The following SEMA3A variants were observed in gnomAD, a reference collection of about 807,000 sequenced individuals.
The protein encoded by SEMA3A is semaphorin-3A.
A neutral mutation model predicts 97.9 loss-of-function variants in SEMA3A; 29 were observed. That is an observed-to-expected ratio of 0.30 (90% CI 0.22 to 0.40). The LOEUF (loss-of-function observed/expected upper bound fraction) is 0.40. Ranked by LOEUF, SEMA3A falls within the 10% of genes least tolerant of loss-of-function variation. The probability of loss-of-function intolerance (pLI) is 1.00; values close to 1 mark genes in which losing one functional copy is unlikely to be tolerated. For synonymous variants in SEMA3A, 321 were observed against 323.7 expected (o/e 0.99, Z 0.09); for missense variants, 763 against 951.3 (o/e 0.80, Z 2.60).
chr7:83,962,904 T>C (rs1195152113), intron 16 of SEMA3A, among the ~76,000 whole-genome samples: 1 of 152,076 alleles, frequency 6.6e-6, no homozygotes, highest in Non-Finnish European at 1.5e-5. Flanking sequence ...TGCACAAATA[T>C]AAATAACACA....
intron 2 of SEMA3A, among the ~76,000 whole-genome samples, chr7:84,332,128 G>T (rs958463355): frequency 1.3e-5 from 2 of 152,004 alleles, no homozygotes; most frequent in Non-Finnish European, 2.9e-5. Flanking sequence ...TTCAGAGAGA[G>T]TTCCAACAAA....
upstream of SEMA3A, chr7:84,194,796 GAAA>G (rs36048075): frequency 0.092 from 14,505 of 157,694 alleles, 354 homozygotes; most frequent in African/African-American, 0.14. Context: ...CCTCCAAAAA[GAAA>G]AAAAAAAAAA....
intron 1 of SEMA3A, among the ~76,000 whole-genome samples, chr7:84,192,350 A>T (rs1349368538): frequency 2.6e-5 from 4 of 151,922 alleles, no homozygotes; most frequent in African/African-American, 9.7e-5. Flanking sequence ...ACAGAAAAAA[A>T]TTTCCTCAGG....
intron 1 of SEMA3A, among the ~76,000 whole-genome samples, chr7:84,478,688 A>C (rs1295094989): frequency 1.3e-5 from 2 of 151,954 alleles, no homozygotes; most frequent in Non-Finnish European, 2.9e-5. Flanking sequence ...TTAAAAAAAA[A>C]CAAATCTAAA....
intron 1 of SEMA3A, among the ~76,000 whole-genome samples, chr7:84,488,148 A>G (rs528390067): frequency 1.3e-5 from 2 of 152,182 alleles, no homozygotes; most frequent in South Asian, 4.1e-4. Flanking sequence ...TTTTTTTGTC[A>G]TAAATATTTT....
chr7:84,109,739 A>G (rs1382763117), intron 4 of SEMA3A, among the ~76,000 whole-genome samples: 2 of 152,174 alleles, frequency 1.3e-5, no homozygotes, highest in Admixed American at 6.6e-5. Context: ...TGATTTTCTC[A>G]CCACGTGAAC....
At position 84,068,407 on chromosome 7, in the gene SEMA3A, A is replaced by T. The variant is rs1454996322; in HGVS notation, c.454-7849T>A. Among the ~76,000 whole-genome samples, 8 of 149,856 alleles carry T rather than the reference A, an allele frequency of 5.3e-5. No homozygotes were observed. In the South Asian group the frequency reaches 1.7e-3, roughly 32 times the overall value. On this transcript the variant is annotated intron_variant, in intron 4 of 16. Coordinates refer to ENST00000265362, the MANE Select transcript of SEMA3A (RefSeq NM_006080.3). ...CCTGCACATTGTGCACATGTACCCT[A>T]AAACTTAAAGTATAATTAAAAAAAA...
chr7:84,314,621 T>C (rs2115882023), intron 2 of SEMA3A, among the ~76,000 whole-genome samples: 1 of 152,312 alleles, frequency 6.6e-6, no homozygotes, highest in East Asian at 1.9e-4. Flanking sequence ...GCTATATAGA[T>C]AGATGTTGAG....
At chr7:84,000,905 T>C (rs749981275) in intron 12 of SEMA3A, among the ~76,000 whole-genome samples, 15 of 152,160 alleles carry the variant, frequency 9.9e-5, no homozygotes, top group Non-Finnish European at 1.9e-4. Context: ...TTGGGAAAAC[T>C]GCTTACCATT....
intron 1 of SEMA3A, among the ~76,000 whole-genome samples, chr7:84,477,352 T>C (rs750919221): frequency 7.3e-6 from 1 of 136,918 alleles, no homozygotes; most frequent in Non-Finnish European, 1.5e-5. Context: ...GGCAGGAGAA[T>C]CACCTGAACC....
At chr7:84,190,679 C>T (rs1306296578) in intron 1 of SEMA3A, among the ~76,000 whole-genome samples, 1 of 148,354 alleles carries the variant, frequency 6.7e-6, no homozygotes, top group Admixed American at 6.8e-5. Flanking sequence ...TCATGGGACA[C>T]AAAAGACAAC....
At chr7:84,030,987 GTTTTTTTTTTTTTT>G (rs10615974) in intron 6 of SEMA3A, among the ~76,000 whole-genome samples, 1 of 95,022 alleles carries the variant, frequency 1.1e-5, no homozygotes, top group East Asian at 3.5e-4. Context: ...TTTTGGTCAA[GTTTTTTTTTTTTTT>G]TTTTTTTTTT....
intron 4 of SEMA3A, among the ~76,000 whole-genome samples, chr7:84,087,328 T>A (rs975213198): frequency 5.9e-5 from 9 of 152,180 alleles, no homozygotes; most frequent in Admixed American, 5.9e-4. Flanking sequence ...TCTGCCTGTT[T>A]AGAATGTTAC....
rs189638460 is a variant in SEMA3A, at chr7:84,206,467, C to T, written c.-82-11799G>A. On this transcript the variant is annotated intron_variant, in intron 3 of 3. Coordinates refer to the SEMA3A transcript ENST00000424555. ...CCTCCCAAGTAGCTGGGACTATAGG[C>T]GCTGCCACCACGCCTGGCTAATTTT... Among the ~76,000 whole-genome samples, 14 of 151,930 alleles carry T rather than the reference C, an allele frequency of 9.2e-5. No individual in the cohort carries two copies. The East Asian group carries it at 2.0e-3, about 21-fold the overall frequency.
intron 4 of SEMA3A, among the ~76,000 whole-genome samples, chr7:84,109,518 G>A (rs898388414): frequency 3.9e-5 from 6 of 152,130 alleles, no homozygotes; most frequent in African/African-American, 1.4e-4. Flanking sequence ...AAACTGTTTT[G>A]ATTTCTAATT....
intron 1 of SEMA3A, among the ~76,000 whole-genome samples, chr7:84,490,051 A>G (rs941230732): frequency 3.9e-5 from 6 of 152,002 alleles, no homozygotes; most frequent in African/African-American, 1.4e-4. Context: ...CAAAATGCAT[A>G]ATACATGAAA....
chr7:84,053,014 TG>T (rs1792755203), intron 5 of SEMA3A, among the ~76,000 whole-genome samples: 1 of 149,916 alleles, frequency 6.7e-6, no homozygotes, highest in African/African-American at 2.4e-5. Flanking sequence ...TCCATGTAGT[TG>T]AGCGGTTTTG....
At chr7:84,048,765 T>C (rs1266060142) in intron 5 of SEMA3A, among the ~76,000 whole-genome samples, 2 of 152,048 alleles carry the variant, frequency 1.3e-5, no homozygotes, top group African/African-American at 4.8e-5. Context: ...TAATAGGAAA[T>C]ATTAGAGTAA....
chr7:84,445,860 A>G (rs1805400864), intron 1 of SEMA3A, among the ~76,000 whole-genome samples: 1 of 151,948 alleles, frequency 6.6e-6, no homozygotes, highest in African/African-American at 2.4e-5. Flanking sequence ...AGAGAAGAGG[A>G]AAACAAAATA....
Sources: gnomAD v4.1 joint callset for allele counts (sites outside exome capture counted in the v4.1 genomes callset) on GRCh38, gnomAD v4.1.1 for gene constraint, MANE v1.5 for transcripts, NCBI Gene and HGNC (gene_info 2026-07-23, HGNC 2026-07-21) for gene names.